JARID2: variants seen among roughly 807,000 people sequenced by gnomAD.
JARID2 encodes protein Jumonji.
Under a neutral mutation model 125.6 loss-of-function variants are expected in JARID2, and 21 were observed. That is an observed-to-expected ratio of 0.17 (90% CI 0.12 to 0.24). The LOEUF is 0.24. JARID2 is among the 10% of genes least tolerant of loss of function. The probability of loss-of-function intolerance (pLI) is 1.00; values close to 1 mark genes in which losing one functional copy is unlikely to be tolerated. For missense variants in JARID2, 1,303 were observed against 1,639.6 expected (o/e 0.79, Z 3.55); for synonymous variants, 736 against 661.6 (o/e 1.11, Z -1.73).
At chr6:15,384,871 C>T (rs1011359994) in intron 2 of JARID2, among the ~76,000 whole-genome samples, 1 of 152,186 alleles carries the variant, frequency 6.6e-6, no homozygotes, top group African/African-American at 2.4e-5. Flanking sequence ...CTTCACTAGT[C>T]CTTAGTGAAC....
intron 1 of JARID2, among the ~76,000 whole-genome samples, chr6:15,371,979 C>T (rs974683247): frequency 1.3e-5 from 2 of 152,202 alleles, no homozygotes; most frequent in African/African-American, 2.4e-5. Flanking sequence ...TCCTAGTTCT[C>T]TCAGGACTTT....
intron 1 of JARID2, among the ~76,000 whole-genome samples, chr6:15,348,544 A>G (rs1248846247): frequency 6.6e-6 from 1 of 152,340 alleles, no homozygotes; most frequent in Non-Finnish European, 1.5e-5. Flanking sequence ...GAAATGCTTT[A>G]AAGTTTGAAC....
chr6:15,353,387 G>A (rs1191007227), intron 1 of JARID2, among the ~76,000 whole-genome samples: 1 of 152,150 alleles, frequency 6.6e-6, no homozygotes. Flanking sequence ...TATTCTGAGA[G>A]AGCTTTGATT....
At chr6:15,300,722 T>TGAGAGAGAGAGAGAGAGAGAGAGAGA (rs57766040) in intron 1 of JARID2, among the ~76,000 whole-genome samples, 3 of 111,118 alleles carry the variant, frequency 2.7e-5, no homozygotes, top group Non-Finnish European at 5.5e-5. Flanking sequence ...TGTGTGTGTG[T>TGAGAGAGAGAGAGAGAGAGAGAGAGA]GAGAGAGAGA....
At chr6:15,465,814 G>T (rs2237133) in intron 4 of JARID2, among the ~76,000 whole-genome samples, 67,006 of 144,348 alleles carry the variant, frequency 0.46, 15,748 homozygotes, top group East Asian at 0.74. Flanking sequence ...TTGTTTGTTT[G>T]TTTTTTTGAG....
At chr6:15,324,475 T>C (rs931859532) in intron 1 of JARID2, 1 of 152,184 alleles carries the variant, frequency 6.6e-6, no homozygotes, top group Admixed American at 6.5e-5. Context: ...GTGAGCACTA[T>C]GACCCCCCTC....
chr6:15,273,715 ACAAG>A (rs1554117925), intron 1 of JARID2, among the ~76,000 whole-genome samples: 2 of 151,928 alleles, frequency 1.3e-5, no homozygotes, highest in Non-Finnish European at 2.9e-5. Context: ...AAACAAACAA[ACAAG>A]CAAACAAAAC....
intron 4 of JARID2, among the ~76,000 whole-genome samples, chr6:15,460,068 T>A (rs1768371027): frequency 1.3e-5 from 2 of 152,224 alleles, no homozygotes; most frequent in African/African-American, 4.8e-5. Flanking sequence ...GTGTCATCAC[T>A]GCCTAGGGGC....
chr6:15,370,779 A>G (rs987532453), intron 1 of JARID2, among the ~76,000 whole-genome samples: 3 of 152,208 alleles, frequency 2.0e-5, no homozygotes. Context: ...GGTTGAGTGC[A>G]GGCACACCTT....
chr6:15,378,481 GC>G lies in JARID2; in HGVS notation c.181+4232del, dbSNP rs1190756922. Among the ~76,000 whole-genome samples, 3 of 152,038 alleles carry G rather than the reference GC, an allele frequency of 2.0e-5. No homozygotes were observed. The East Asian group carries it at 5.8e-4, about 29-fold the overall frequency. On this transcript the variant is annotated intron_variant, in intron 2 of 17. Coordinates refer to ENST00000341776, the MANE Select transcript of JARID2 (RefSeq NM_004973.4). ...TGGGGACAGTGACATGCCTCTGAGA[GC>G]CCTGGCACTCAGAGACTCTCAGAGA...
At chr6:15,366,518 C>G (rs867821907) in intron 1 of JARID2, among the ~76,000 whole-genome samples, 123 of 14,356 alleles carry the variant, frequency 8.6e-3, no homozygotes, top group South Asian at 0.022. Flanking sequence ...GCGGGGGGGG[C>G]GGGGGGGGTG....
At chr6:15,442,930 G>A (rs1054407019) in intron 3 of JARID2, among the ~76,000 whole-genome samples, 4 of 152,130 alleles carry the variant, frequency 2.6e-5, no homozygotes, top group African/African-American at 9.7e-5. Context: ...TTTTCATACT[G>A]TTTGTGCAGG....
chr6:15,438,529 TG>T (rs1243111915), intron 3 of JARID2, among the ~76,000 whole-genome samples: 1 of 152,210 alleles, frequency 6.6e-6, no homozygotes, highest in African/African-American at 2.4e-5. Flanking sequence ...CTGACCAATG[TG>T]GACAAAATGT....
At position 15,520,213 on chromosome 6, in the gene JARID2, G is replaced by C; in HGVS notation, c.3703G>C (p.Ala1235Pro). The change falls in exon 18 of 18, where the codon GCC becomes CCC. Residue 1235 changes from alanine (A) to proline (P), a missense_variant. Ala to Pro is a conservative substitution (Grantham distance 27). Around this residue, in one of 11 missense-constraint regions of JARID2, gnomAD observed 75 missense variants for 66.0 expected, o/e 1.14. Coordinates refer to ENST00000341776, the MANE Select transcript of JARID2 (RefSeq NM_004973.4). ...TVDVPPSRLS[A>P]SSSSKSASSS... ...GGACGTGCCCCCCTCCCGTCTGTCA[G>C]CCTCCAGTTCATCCAAAAGTGCTTC... is the stretch of plus-strand genomic sequence containing the variant. 2 of 1,613,214 alleles carry C rather than the reference G, an allele frequency of 1.2e-6. No individual in the cohort carries two copies. Among genetic ancestry groups the C allele is most frequent in the Non-Finnish European group, 1.7e-6 (2 of 1,179,644 alleles).
intron 5 of JARID2, among the ~76,000 whole-genome samples, chr6:15,479,302 C>T (rs1247637047): frequency 6.6e-6 from 1 of 152,238 alleles, no homozygotes; most frequent in Non-Finnish European, 1.5e-5. Flanking sequence ...AAAAACCATT[C>T]ATCCTGATTT....
chr6:15,313,520 C>G (rs1762082834), intron 1 of JARID2, among the ~76,000 whole-genome samples: 2 of 152,138 alleles, frequency 1.3e-5, no homozygotes, highest in South Asian at 4.1e-4. Flanking sequence ...AAGTCTGCTG[C>G]CAACACTGAG....
At chr6:15,358,659 A>C (rs1194009472) in intron 1 of JARID2, among the ~76,000 whole-genome samples, 1 of 152,218 alleles carries the variant, frequency 6.6e-6, no homozygotes, top group Non-Finnish European at 1.5e-5. Flanking sequence ...TCTCATTTTC[A>C]GAGAATTACT....
intron 3 of JARID2, among the ~76,000 whole-genome samples, chr6:15,445,657 G>T (rs1767642122): frequency 6.6e-6 from 1 of 152,180 alleles, no homozygotes; most frequent in South Asian, 2.1e-4. Flanking sequence ...GCCGCCTCTT[G>T]GGCCCAGCGA....
chr6:15,470,685 G>A (rs1050436149), intron 5 of JARID2, among the ~76,000 whole-genome samples: 1 of 148,396 alleles, frequency 6.7e-6, no homozygotes, highest in African/African-American at 2.5e-5. Context: ...TTAACCTTTC[G>A]GGAAAAGGTT....
Sources: gnomAD v4.1 joint callset for allele counts (sites outside exome capture counted in the v4.1 genomes callset) on GRCh38, gnomAD v4.1.1 for gene constraint, gnomAD v4.1.1 regional missense constraint, MANE v1.5 for transcripts, NCBI Gene and HGNC (gene_info 2026-07-23, HGNC 2026-07-21) for gene names.